LARP4B: variants seen among roughly 807,000 people sequenced by gnomAD.
LARP4B encodes La ribonucleoprotein 4B.
A neutral mutation model predicts 89.8 loss-of-function variants in LARP4B; 12 were observed. The ratio of observed to expected loss-of-function variants is 0.13; its 90% confidence interval spans 0.09 to 0.22. The LOEUF is 0.22. Among genes scored for constraint, LARP4B ranks in the 10% least tolerant of loss-of-function variants. The pLI, the probability that LARP4B is intolerant of heterozygous loss-of-function variation, is 1.00. For synonymous variants in LARP4B, 367 were observed against 363.3 expected (o/e 1.01, Z -0.12); for missense variants, 757 against 947.7 (o/e 0.80, Z 2.64).
At chr10:962,419 T>C in the LARP4B span, among the ~76,000 whole-genome samples, 1 of 151,486 alleles carries the variant, frequency 6.6e-6, no homozygotes, top group South Asian at 2.1e-4. Flanking sequence ...ACATGGGGGG[T>C]TAGGACTTCA....
intron 12 of LARP4B, 94 bp from the exon 13 acceptor site, chr10:825,410 G>T: frequency 8.1e-7 from 1 of 1,236,224 alleles, no homozygotes; most frequent in Non-Finnish European, 1.1e-6. Context: ...GCTGAAATCT[G>T]CTCTCTGTTT....
downstream of LARP4B, chr10:808,593 A>G (rs1831629084): frequency 1.3e-5 from 2 of 152,218 alleles, no homozygotes; most frequent in Non-Finnish European, 2.9e-5. Flanking sequence ...GCAGCACTGC[A>G]GACCAGTGGA....
the LARP4B span, among the ~76,000 whole-genome samples, chr10:975,954 CG>C: frequency 7.0e-6 from 1 of 142,444 alleles, no homozygotes; most frequent in Non-Finnish European, 1.5e-5. Context: ...TGTCGTGCAA[CG>C]TGTGGACCCG....
rs1588857087 is a variant in LARP4B, at chr10:822,512, C to T, written c.1485-1667G>A. Among the ~76,000 whole-genome samples the T allele has an allele frequency of 6.6e-6, 1 of 152,360 alleles. No homozygotes were observed. The highest frequency in any genetic ancestry group is 1.9e-4 in the East Asian group (1 of 5,190). On this transcript the variant is annotated intron_variant, in intron 13 of 17. Transcript: ENST00000316157. The surrounding 1 kb of genome is among the most constrained non-coding windows in gnomAD (Gnocchi z 4.6). The stretch of plus-strand genomic sequence containing the variant: ...AGTGGGCCCAGCCAACACTCCCCCA[C>T]ACCCTCACTGGGCTCCACGTAACCC...
At chr10:882,095 G>A (rs1430141070) in intron 3 of LARP4B, among the ~76,000 whole-genome samples, 1 of 152,142 alleles carries the variant, frequency 6.6e-6, no homozygotes, top group East Asian at 1.9e-4. Flanking sequence ...CTAACTATAA[G>A]TGGGCCTGGG....
intron 5 of LARP4B, among the ~76,000 whole-genome samples, chr10:855,536 C>A (rs918379642): frequency 7.9e-5 from 12 of 152,178 alleles, no homozygotes; most frequent in African/African-American, 2.9e-4. Flanking sequence ...AGAACACACA[C>A]GTCATTTATA....
the LARP4B span, among the ~76,000 whole-genome samples, chr10:937,428 C>G: frequency 2.6e-5 from 4 of 152,286 alleles, no homozygotes; most frequent in Admixed American, 1.3e-4. Context: ...GGGTGAAACT[C>G]TGTTGAGGAT....
At chr10:958,771 G>A in the LARP4B span, among the ~76,000 whole-genome samples, 3 of 152,216 alleles carry the variant, frequency 2.0e-5, no homozygotes, top group Admixed American at 6.5e-5. Flanking sequence ...ACAGCTTCGC[G>A]TAGACACACT....
At chr10:920,304 A>T (rs1836944724) in intron 1 of LARP4B, among the ~76,000 whole-genome samples, 1 of 152,222 alleles carries the variant, frequency 6.6e-6, no homozygotes, top group Non-Finnish European at 1.5e-5. Context: ...GTCTTCAGAG[A>T]TCTAAAATCC....
chr10:882,719 A>G (rs930453614), intron 3 of LARP4B, among the ~76,000 whole-genome samples: 2 of 152,328 alleles, frequency 1.3e-5, no homozygotes, highest in Admixed American at 1.3e-4. Flanking sequence ...GAGGGCAGGA[A>G]GCTGTCTAAT....
intron 4 of LARP4B, 78 bp downstream of exon 4, chr10:864,045 T>G: frequency 6.3e-7 from 1 of 1,592,898 alleles, no homozygotes; most frequent in Non-Finnish European, 8.6e-7. Context: ...GAACAACATC[T>G]TAAAGACAGA....
intron 11 of LARP4B, among the ~76,000 whole-genome samples, chr10:828,461 G>A (rs114160405): frequency 6.6e-6 from 1 of 152,122 alleles, no homozygotes; most frequent in African/African-American, 2.4e-5. Context: ...GTTTTCTCAA[G>A]TTCTCTCTGC....
rs552449989 is a variant in LARP4B, at chr10:900,301, C to T, written c.-39-14541G>A. Reference sequence around the variant, plus strand: ...GAAGAAGGTTGCAGTGAGCCAAGATCGCACCATTGCACTCCAGCCTGGCAA... The same window carrying T: ...GAAGAAGGTTGCAGTGAGCCAAGATTGCACCATTGCACTCCAGCCTGGCAA... On this transcript the variant is annotated intron_variant, in intron 1 of 17. Coordinates refer to ENST00000316157, the MANE Select transcript of LARP4B (RefSeq NM_015155.3). 2.9e-3 allele frequency among the ~76,000 whole-genome samples: 437 copies of T among 151,760 alleles called. 2 individuals carry two copies. Among genetic ancestry groups the T allele is most frequent in the African/African-American group, 9.9e-3 (409 of 41,398 alleles).
chr10:885,903 T>C (rs1835843251), intron 1 of LARP4B, 143 bp from the exon 2 acceptor site: 2 of 475,432 alleles, frequency 4.2e-6, no homozygotes, highest in Non-Finnish European at 7.5e-6. Context: ...CCCATATGCA[T>C]ACCTTACTCA....
intron 1 of LARP4B, among the ~76,000 whole-genome samples, chr10:890,246 A>G (rs1835976053): frequency 6.6e-6 from 1 of 152,240 alleles, no homozygotes; most frequent in Non-Finnish European, 1.5e-5. Flanking sequence ...AACCTTGTTA[A>G]TGAAATAATC....
intron 1 of LARP4B, among the ~76,000 whole-genome samples, chr10:927,095 C>T (rs997451930): frequency 1.3e-5 from 2 of 151,784 alleles, no homozygotes; most frequent in African/African-American, 2.4e-5. Context: ...TTGCAATGTA[C>T]TCCATGGTCT....
the LARP4B span, among the ~76,000 whole-genome samples, chr10:969,282 A>T: frequency 6.6e-6 from 1 of 152,162 alleles, no homozygotes; most frequent in African/African-American, 2.4e-5. Flanking sequence ...TTGTTCTCCC[A>T]TCTCCCAACT....
At chr10:964,694 T>C in the LARP4B span, among the ~76,000 whole-genome samples, 2 of 152,166 alleles carry the variant, frequency 1.3e-5, no homozygotes, top group African/African-American at 4.8e-5. Flanking sequence ...TCCTGACCCC[T>C]CTGAAGATAA....
intron 8 of LARP4B, among the ~76,000 whole-genome samples, chr10:835,546 T>C (rs1435903264): frequency 6.6e-6 from 1 of 152,224 alleles, no homozygotes; most frequent in African/African-American, 2.4e-5. Flanking sequence ...CTTTACCTCA[T>C]GATCTCAAGG....
Sources: gnomAD v4.1 joint callset for allele counts (sites outside exome capture counted in the v4.1 genomes callset) on GRCh38, gnomAD v4.1.1 for gene constraint, Gnocchi (gnomAD v3.1) non-coding constraint, MANE v1.5 for transcripts, NCBI Gene and HGNC (gene_info 2026-07-23, HGNC 2026-07-21) for gene names.